CSPP1: variants seen among roughly 807,000 people sequenced by gnomAD.
CSPP1 encodes centrosome and spindle pole-associated protein 1.
In CSPP1, 126 loss-of-function variants were observed where a neutral mutation model predicts 164.4. The observed-to-expected ratio is 0.77, with a 90% CI of 0.66 to 0.89. The LOEUF is 0.89. CSPP1 is among the 40% of genes least tolerant of loss of function. The pLI, the probability that CSPP1 is intolerant of heterozygous loss-of-function variation, is 0.00. For missense variants in CSPP1, 1,395 were observed against 1,449.8 expected (o/e 0.96, Z 0.61); for synonymous variants, 472 against 476.7 (o/e 0.99, Z 0.13).
intron 17 of CSPP1, among the ~76,000 whole-genome samples, chr8:67,144,894 C>A (rs1268654250): frequency 6.7e-6 from 1 of 150,344 alleles, no homozygotes; most frequent in Non-Finnish European, 1.5e-5. Context: ...TGGTGAAACC[C>A]TATCTCTACT....
At chr8:67,179,373 C>T (rs959600820) in intron 27 of CSPP1, among the ~76,000 whole-genome samples, 5 of 152,268 alleles carry the variant, frequency 3.3e-5, no homozygotes, top group South Asian at 2.1e-4. Flanking sequence ...CTGTGATCTA[C>T]TCCAGAGCAG....
At chr8:67,126,461 G>A (rs575216739) in intron 15 of CSPP1, among the ~76,000 whole-genome samples, 1 of 152,260 alleles carries the variant, frequency 6.6e-6, no homozygotes, top group Non-Finnish European at 1.5e-5. Context: ...GTCTCTGTTA[G>A]GATAGCTTAA....
chr8:67,078,369 TCTTA>T (rs1165583206), intron 3 of CSPP1, among the ~76,000 whole-genome samples: 4 of 151,996 alleles, frequency 2.6e-5, no homozygotes, highest in Admixed American at 6.6e-5. Flanking sequence ...TGAGACAGGA[TCTTA>T]CTTTGTCGCC....
At chr8:67,131,818 C>A in intron 15 of CSPP1, 133 bp from the exon 16 acceptor site, 1 of 752,220 alleles carries the variant, frequency 1.3e-6, no homozygotes, top group Non-Finnish European at 2.0e-6. Flanking sequence ...AAGGATTCCT[C>A]TTTGGCCTAT....
intron 29 of CSPP1, among the ~76,000 whole-genome samples, chr8:67,193,071 T>C (rs556446762): frequency 2.0e-5 from 3 of 152,230 alleles, no homozygotes; most frequent in South Asian, 4.1e-4. Flanking sequence ...ATGTTTTATT[T>C]TGTTCATCAC....
At chr8:67,110,898 G>A (rs1181220584) in intron 9 of CSPP1, among the ~76,000 whole-genome samples, 1 of 152,140 alleles carries the variant, frequency 6.6e-6, no homozygotes, top group Non-Finnish European at 1.5e-5. Context: ...TTTAAACTGT[G>A]AGGTTAAGTC....
chr8:67,185,253 C>T (rs1834261362), intron 28 of CSPP1, among the ~76,000 whole-genome samples: 1 of 152,190 alleles, frequency 6.6e-6, no homozygotes, highest in South Asian at 2.1e-4. Flanking sequence ...GTGCATGCCA[C>T]CAGCCAATGG....
In CSPP1 at chr8:67,159,946, CTTCCTTCCTTCT is replaced by C. The variant is rs1373989979; in HGVS notation, c.2538+813_2538+824del. 7.7e-4 allele frequency among the ~76,000 whole-genome samples: 44 copies of C among 57,496 alleles called. 4 individuals are homozygous for C. Among genetic ancestry groups the C allele is most frequent in the Middle Eastern group, 0.022 (2 of 90 alleles). 37.7% of individuals were successfully genotyped at this position (57,496 alleles called of 152,430 possible). On this transcript the variant is annotated intron_variant, in intron 21 of 30. Transcript: ENST00000678616. ...TTTCCTTTCCTTCCTTCCTTCCTTC[CTTCCTTCCTTCT>C]TTCTTTTCTTTTCTTTTCTTTTCTT...
chr8:67,174,699 A>T (rs1831190097), intron 25 of CSPP1: 1 of 152,312 alleles, frequency 6.6e-6, no homozygotes, highest in African/African-American at 2.4e-5. Flanking sequence ...CAGGAGGCAG[A>T]GCTGGCAGTG....
At chr8:67,141,685 C>G (rs1823537185) in intron 17 of CSPP1, among the ~76,000 whole-genome samples, 1 of 152,188 alleles carries the variant, frequency 6.6e-6, no homozygotes, top group Non-Finnish European at 1.5e-5. Flanking sequence ...CCACGCCCCC[C>G]TAATTTTGTG....
chr8:67,136,477 G>A (rs1307314840), intron 16 of CSPP1, among the ~76,000 whole-genome samples: 1 of 149,706 alleles, frequency 6.7e-6, no homozygotes, highest in Non-Finnish European at 1.5e-5. Context: ...GCTGGGGCAG[G>A]AGAATGGCGT....
intron 24 of CSPP1, among the ~76,000 whole-genome samples, chr8:67,171,914 C>T (rs1830541445): frequency 6.6e-6 from 1 of 151,162 alleles, no homozygotes; most frequent in Non-Finnish European, 1.5e-5. Context: ...GTGGTGTGAT[C>T]TCAGCTCACT....
chr8:67,162,226 C>T (rs1586637946), intron 22 of CSPP1, among the ~76,000 whole-genome samples: 1 of 152,272 alleles, frequency 6.6e-6, no homozygotes, highest in East Asian at 1.9e-4. Flanking sequence ...GATTGATCCT[C>T]AAGGTGATGC....
chr8:67,103,341 G>T (rs1814556116), intron 8 of CSPP1, among the ~76,000 whole-genome samples: 1 of 152,158 alleles, frequency 6.6e-6, no homozygotes, highest in Admixed American at 6.5e-5. Context: ...TAAAGAACAA[G>T]TTTTGGTTAT....
At chr8:67,129,802 TAG>T (rs1820840762) in intron 15 of CSPP1, among the ~76,000 whole-genome samples, 2 of 152,208 alleles carry the variant, frequency 1.3e-5, no homozygotes, top group African/African-American at 4.8e-5. Flanking sequence ...TACAAATCTA[TAG>T]AGACAGCAGG....
chr8:67,115,779 G>A, intron 12 of CSPP1, 135 bp from the exon 13 acceptor site: 1 of 579,122 alleles, frequency 1.7e-6, no homozygotes, highest in Non-Finnish European at 3.0e-6. Context: ...GATATTCAGA[G>A]TCTTTTATAG....
intron 16 of CSPP1, among the ~76,000 whole-genome samples, chr8:67,132,350 G>T (rs1305217752): frequency 6.6e-6 from 1 of 152,200 alleles, no homozygotes; most frequent in Non-Finnish European, 1.5e-5. Context: ...TGTATACAGA[G>T]AATGGAATTG....
intron 28 of CSPP1, 108 bp downstream of exon 28, chr8:67,180,034 A>C: frequency 3.5e-6 from 2 of 564,606 alleles, no homozygotes; most frequent in Non-Finnish European, 6.1e-6. Context: ...AAAAAAAAAA[A>C]AAGGAATATT....
At chr8:67,115,546 C>T (rs1336795434) in intron 12 of CSPP1, among the ~76,000 whole-genome samples, 5 of 152,076 alleles carry the variant, frequency 3.3e-5, no homozygotes, top group Non-Finnish European at 5.9e-5. Flanking sequence ...GTGGCAGGTG[C>T]CTGTAACCCC....
Sources: allele counts gnomAD v4.1 joint callset (sites outside exome capture counted in the v4.1 genomes callset), GRCh38; gene constraint gnomAD v4.1.1; transcripts MANE v1.5; gene names NCBI Gene and HGNC (gene_info 2026-07-23, HGNC 2026-07-21).